ELMO3: variants seen among roughly 807,000 people sequenced by gnomAD.
ELMO3 encodes engulfment and cell motility protein 3.
In ELMO3, 81 loss-of-function variants were observed where a neutral mutation model predicts 89.0. The observed-to-expected ratio is 0.91, with a 90% CI of 0.76 to 1.09. ELMO3 has a LOEUF of 1.09. Ranked by LOEUF, ELMO3 falls within the 50% of genes least tolerant of loss-of-function variation. The pLI is 0.00. For missense variants in ELMO3, 959 were observed against 972.8 expected, an observed-to-expected ratio of 0.99 and a Z score of 0.19; for synonymous variants, 406 against 400.6, an observed-to-expected ratio of 1.01 and a Z score of -0.16.
chr16:67,201,212 A>ATTTTTTT (rs753596419), intron 8 of ELMO3, among the ~76,000 whole-genome samples, 173 bp from the exon 9 acceptor site: 3 of 94,262 alleles, frequency 3.2e-5, no homozygotes, highest in Non-Finnish European at 6.0e-5. Flanking sequence ...CGCCCAGCTG[A>ATTTTTTT]TTTTTTTTTT....
rs572696490 is a variant in ELMO3, at chr16:67,203,370, C to T, written c.1824C>T (p.Cys608=). The change falls in exon 18 of 20, where the codon TGC becomes TGT. Residue 608 remains cysteine (C), a synonymous_variant. Coordinates refer to ENST00000393997, the MANE Select transcript of ELMO3 (RefSeq NM_024712.5). This position sits in a 1 kb window ranked among gnomAD's most constrained non-coding sequence, Gnocchi z 4.6. ...DMRALLTGKD[C]PHVREKGSGK... is the part of the protein sequence containing the mutation. ...GGGCACTCCTGACAGGCAAGGACTG[C>T]CCCCATGTCCGGGAGAAGGGCTCCG... The T allele has an allele frequency of 1.7e-5, 27 of 1,608,946 alleles. No homozygotes were observed. Among genetic ancestry groups the T allele is most frequent in the Non-Finnish European group, 2.3e-5 (27 of 1,178,590 alleles).
In ELMO3 at chr16:67,202,176, T is replaced by G; in HGVS notation, c.1153T>G (p.Phe385Val). 6.3e-7 allele frequency: 1 copy of G among 1,599,614 alleles called. No homozygotes were observed. The highest frequency in any genetic ancestry group is 2.2e-5 in the East Asian group (1 of 44,610). Residue 385 changes from phenylalanine (F) to valine (V), a missense_variant and splice_region_variant, in exon 13 of 20, where the codon TTT (phenylalanine) becomes GTT (valine). Transcript: ENST00000393997. Reference sequence around the variant, plus strand: ...CTTGCCCCATTCTCTGCGCCCCCAGTTTGTGTTGGAGAACAGCAGCCGCGA... The same window carrying G: ...CTTGCCCCATTCTCTGCGCCCCCAGGTTGTGTTGGAGAACAGCAGCCGCGA... ...SRNAPSAYSR[F>V]VLENSSREDK...
rs373220412 is a variant in ELMO3, at chr16:67,199,281, G to A, written c.-46G>A. On this transcript the variant is annotated 5_prime_UTR_variant, in exon 1 of 20. The change creates a new upstream start codon in the 5' untranslated region. Transcript: ENST00000393997. ...AGGCCAGGTGCACCCTTGGCCGCAG[G>A]TGCACGGTCTCCGGAAAGTGCAGGC... The A allele has an allele frequency of 2.2e-4, 350 of 1,612,390 alleles. 1 individual carries two copies. The East Asian group carries it at 6.9e-3, about 32-fold the overall frequency.
intron 3 of ELMO3, 40 bp downstream of exon 3, chr16:67,199,796 C>A (rs1224697273): frequency 6.2e-7 from 1 of 1,605,726 alleles, no homozygotes; most frequent in Non-Finnish European, 8.5e-7. Flanking sequence ...GGCCTTCCGA[C>A]CCCTCTAACC....
At position 67,201,611 on chromosome 16, in the gene ELMO3, G is replaced by A. The variant is rs367683482; in HGVS notation, c.887G>A (p.Arg296His). 1.2e-4 allele frequency: 195 copies of A among 1,613,358 alleles called. No homozygotes were observed. In the South Asian group the frequency reaches 1.7e-3, roughly 14 times the overall value. ...QALMLGLLEP[R>H]MRTPLDPYSQ... The stretch of plus-strand genomic sequence containing the variant: ...CTCATGCTGGGGCTGCTGGAGCCGC[G>A]CATGCGGACGCCCCTGGACCCCTAC... The change falls in exon 10 of 20, where the codon CGC (arginine) becomes CAC (histidine). Residue 296 changes from arginine (R) to histidine (H), a missense_variant. Arg to His is a conservative substitution (Grantham distance 29, BLOSUM62 0). Coordinates refer to ENST00000393997, the MANE Select transcript of ELMO3 (RefSeq NM_024712.5).
At position 67,200,328 on chromosome 16, in the gene ELMO3, A is replaced by C. The variant is rs1304008885; in HGVS notation, c.380A>C (p.Gln127Pro). 4 of 1,613,802 alleles carry C rather than the reference A, an allele frequency of 2.5e-6. No individual in the cohort carries two copies. The Admixed American group carries it at 6.7e-5, about 27-fold the overall frequency. Residue 127 changes from glutamine (Q) to proline (P), a missense_variant, in exon 5 of 20, where the codon CAG becomes CCG. By Grantham distance (76) the Gln-to-Pro change is moderately conservative. Transcript: ENST00000393997. ...GAGGTCATCAGCCGTAATGGGCTCCAGATACTAGGCACCATCATTGAAGAT... is the reference window on the plus strand; with the variant it reads ...GAGGTCATCAGCCGTAATGGGCTCCCGATACTAGGCACCATCATTGAAGAT... ...AREVISRNGL[Q>P]ILGTIIEDGD...
At position 67,203,093 on chromosome 16, in the gene ELMO3, T is replaced by C. The variant is rs1236950269; in HGVS notation, c.1676-26T>C. ...TTGGTGTCAGGACCTCTCAGCACTC[T>C]GGCCCTCTTCCCTTTCTCCACGCAG... On this transcript the variant is annotated intron_variant, in intron 16 of 19. Transcript: ENST00000393997. This position sits in a 1 kb window ranked among gnomAD's most constrained non-coding sequence, Gnocchi z 4.6. The C allele has an allele frequency of 6.3e-7, 1 of 1,596,318 alleles. No individual in the cohort carries two copies.
intron 4 of ELMO3, 70 bp from the exon 5 acceptor site, chr16:67,200,122 C>A: frequency 6.3e-7 from 1 of 1,583,606 alleles, no homozygotes; most frequent in South Asian, 1.2e-5. Context: ...CGCCCGGGGC[C>A]GCACACTTCC....
chr16:67,201,376 C>A lies in ELMO3; in HGVS notation c.745-9C>A. ...CCAGCCTAAGCCCCCTTTCTTTCTA[C>A]CCCCTCAGCACATGCTTGACTATCT... On this transcript the variant is annotated splice_polypyrimidine_tract_variant and intron_variant, in intron 8 of 19. Transcript: ENST00000393997. 1.9e-6 allele frequency: 3 copies of A among 1,613,866 alleles called. No homozygotes were observed. Among genetic ancestry groups the A allele is most frequent in the Non-Finnish European group, 2.5e-6 (3 of 1,179,978 alleles).
At position 67,203,222 on chromosome 16, in the gene ELMO3, A is replaced by ACGTAAGG. The variant is rs746327395; in HGVS notation, c.1780+2_1780+8dup. 113 of 1,606,804 alleles carry ACGTAAGG rather than the reference A, an allele frequency of 7.0e-5. No homozygotes were observed. Among genetic ancestry groups the ACGTAAGG allele is most frequent in the Non-Finnish European group, 9.6e-5 (113 of 1,179,010 alleles). ...CTACCCTGGAGAGTCTGCCCGAGCAACGTAAGGCGGGCAGGGGCGGGGGCC... is the reference window on the plus strand; with the variant it reads ...CTACCCTGGAGAGTCTGCCCGAGCAACGTAAGGCGTAAGGCGGGCAGGGGCGGGGGCC... On this transcript the variant is annotated frameshift_variant and splice_region_variant, in exon 17 of 20. Coordinates refer to ENST00000393997, the MANE Select transcript of ELMO3 (RefSeq NM_024712.5). LOFTEE classifies it high-confidence loss of function. This position sits in a 1 kb window ranked among gnomAD's most constrained non-coding sequence, Gnocchi z 4.6.
Position 67,202,067 on chromosome 16 carries a change from G to A in ELMO3, c.1141G>A (p.Ala381Thr), listed in dbSNP as rs555214160. The change falls in exon 12 of 20, where the codon GCG becomes ACG. Residue 381 changes from alanine (A) to threonine (T), a missense_variant. Physicochemically the swap from Ala to Thr is moderately conservative, Grantham distance 58. Transcript: ENST00000393997. ...GTACTTCTCCAGAAACGCGCCCAGC[G>A]CGTACAGCCGGGTCGGTGACAGGGT... ...MLYFSRNAPSAYSRFVLENSS... is the reference protein window; with the variant it reads ...MLYFSRNAPSTYSRFVLENSS... 88 of 1,613,154 alleles carry A rather than the reference G, an allele frequency of 5.5e-5. No individual in the cohort carries two copies. In the Middle Eastern group the frequency reaches 1.8e-3, roughly 33 times the overall value.
Position 67,202,095 on chromosome 16 carries a change from G to A in ELMO3, c.1152+17G>A, listed in dbSNP as rs778125493. On this transcript the variant is annotated intron_variant, in intron 12 of 19. Coordinates refer to ENST00000393997, the MANE Select transcript of ELMO3 (RefSeq NM_024712.5). ...TACAGCCGGGTCGGTGACAGGGTAGGGTGGGGGGGTGGCAGCATCCCCCAG... is the reference window on the plus strand; with the variant it reads ...TACAGCCGGGTCGGTGACAGGGTAGAGTGGGGGGGTGGCAGCATCCCCCAG... The A allele has an allele frequency of 4.3e-6, 7 of 1,611,288 alleles. No homozygotes were observed. The East Asian group carries it at 1.6e-4, about 36-fold the overall frequency.
rs747642724 is a variant in ELMO3, at chr16:67,203,826, A to AC, written c.2118dup (p.Thr707HisfsTer8). 2.0e-5 allele frequency: 21 copies of AC among 1,048,188 alleles called. No homozygotes were observed. Among genetic ancestry groups the AC allele is most frequent in the East Asian group, 3.9e-5 (1 of 25,408 alleles). 64.9% of individuals were successfully genotyped at this position (1,048,188 alleles called of 1,614,324 possible). On this transcript the variant is annotated frameshift_variant, in exon 20 of 20. Transcript: ENST00000393997. LOFTEE classifies it high-confidence loss of function. This position sits in a 1 kb window ranked among gnomAD's most constrained non-coding sequence, Gnocchi z 4.6. ...CCGAGCGGCCACCCCCTGTGCCCCC[A>AC]CCCCCCACCAACTTCAACTTCTGCT...
intron 8 of ELMO3, among the ~76,000 whole-genome samples, 191 bp from the exon 9 acceptor site, chr16:67,201,194 C>G (rs1333635905): frequency 6.6e-6 from 1 of 151,230 alleles, no homozygotes; most frequent in African/African-American, 2.4e-5. Context: ...TACAGGCTCC[C>G]GCCACCACGC....
Position 67,201,594 on chromosome 16 carries a change from G to A in ELMO3, c.870G>A (p.Leu290=). ...TGTACGTACTGCAGGCTCTCATGCT[G>A]GGGCTGCTGGAGCCGCGCATGCGGA... ...HHLYVLQALM[L]GLLEPRMRTP... is the part of the protein sequence containing the mutation. Residue 290 remains leucine (L), a synonymous_variant, in exon 10 of 20, where the codon CTG becomes CTA. Transcript: ENST00000393997. The A allele has an allele frequency of 1.2e-6, 2 of 1,613,798 alleles. No homozygotes were observed. The highest frequency in any genetic ancestry group is 1.7e-6 in the Non-Finnish European group (2 of 1,180,034).
In ELMO3 at chr16:67,200,199, A is replaced by C. The variant is rs2033066170; in HGVS notation, c.251A>C (p.Glu84Ala). Residue 84 changes from glutamate (E) to alanine (A), a missense_variant, in exon 5 of 20, where the codon GAG (glutamate) becomes GCG (alanine). Glu to Ala is a moderately radical substitution (Grantham distance 107, BLOSUM62 -1). Transcript: ENST00000393997. ...ILCLSTAPDLEAEQLLGGLQS... is the reference protein window; with the variant it reads ...ILCLSTAPDLAAEQLLGGLQS... ...CTGCTCCGTTCCTGCCAGGACCTTG[A>C]GGCTGAGCAGCTCTTGGGTGGGCTG... The C allele has an allele frequency of 6.2e-7, 1 of 1,612,134 alleles. No homozygotes were observed. The highest frequency in any genetic ancestry group is 1.3e-5 in the African/African-American group (1 of 75,016).
At position 67,203,186 on chromosome 16, in the gene ELMO3, C is replaced by G; in HGVS notation, c.1743C>G (p.Gly581=). 6.2e-7 allele frequency: 1 copy of G among 1,610,990 alleles called. No homozygotes were observed. The highest frequency in any genetic ancestry group is 8.5e-7 in the Non-Finnish European group (1 of 1,179,758). Residue 581 remains glycine, a synonymous_variant, in exon 17 of 20, where the codon GGC becomes GGG. Coordinates refer to ENST00000393997, the MANE Select transcript of ELMO3 (RefSeq NM_024712.5). This position sits in a 1 kb window ranked among gnomAD's most constrained non-coding sequence, Gnocchi z 4.6. ...TGCAGTACGGAGACATGGAGGAGGG[C>G]GCCAGCCCGCCTACCCTGGAGAGTC... The part of the protein sequence containing the change: ...KLLQYGDMEE[G]ASPPTLESLP...
chr16:67,202,993 G>A lies in ELMO3; in HGVS notation c.1664G>A (p.Arg555Gln), dbSNP rs760522173. 81 of 1,605,554 alleles carry A rather than the reference G, an allele frequency of 5.0e-5. No homozygotes were observed. In the East Asian group the frequency reaches 1.7e-3, roughly 34 times the overall value. Residue 555 changes from arginine (R) to glutamine (Q), a missense_variant, in exon 16 of 20, where the codon CGG becomes CAG. Transcript: ENST00000393997. ...EGTLFRKISS[R>Q]RRQDKLWFCC... ...ACGCTCTTCCGCAAGATCAGCAGCCGGCGGCGCCAGGGTCTCTGAATGGGC... is the reference window on the plus strand; with the variant it reads ...ACGCTCTTCCGCAAGATCAGCAGCCAGCGGCGCCAGGGTCTCTGAATGGGC...
In ELMO3 at chr16:67,202,100, G is replaced by A. The variant is rs779991589; in HGVS notation, c.1152+22G>A. ...CCGGGTCGGTGACAGGGTAGGGTGG[G>A]GGGGTGGCAGCATCCCCCAGGCAGG... On this transcript the variant is annotated intron_variant, in intron 12 of 19. Coordinates refer to ENST00000393997, the MANE Select transcript of ELMO3 (RefSeq NM_024712.5). 7.4e-6 allele frequency: 12 copies of A among 1,611,228 alleles called. No homozygotes were observed. In the South Asian group the frequency reaches 1.1e-4, roughly 15 times the overall value.
Sources: gnomAD v4.1 joint callset for allele counts (sites outside exome capture counted in the v4.1 genomes callset) on GRCh38, gnomAD v4.1.1 for gene constraint, Gnocchi (gnomAD v3.1) non-coding constraint, MANE v1.5 for transcripts, NCBI Gene and HGNC (gene_info 2026-07-23, HGNC 2026-07-21) for gene names.